Variants in RFTN2 observed in about 807,000 individuals in gnomAD.
The protein encoded by RFTN2 is raftlin family member 2.
In RFTN2, 34 loss-of-function variants were observed where a neutral mutation model predicts 52.7. The observed-to-expected ratio is 0.64, with a 90% CI of 0.49 to 0.86. The LOEUF (loss-of-function observed/expected upper bound fraction) is 0.86. RFTN2 is among the 40% of genes least tolerant of loss of function. The pLI, the probability that RFTN2 is intolerant of heterozygous loss-of-function variation, is 0.00. For missense variants in RFTN2, 536 were observed against 600.1 expected (o/e 0.89, Z 1.12); for synonymous variants, 203 against 217.7 (o/e 0.93, Z 0.59).
At chr2:197,576,813 C>CT in intron 8 of RFTN2, among the ~76,000 whole-genome samples, 1 of 152,232 alleles carries the variant, frequency 6.6e-6, no homozygotes, top group South Asian at 2.1e-4. Flanking sequence ...GGCAGCTCAT[C>CT]TTTTTCTTGG....
intron 3 of RFTN2, among the ~76,000 whole-genome samples, chr2:197,638,804 C>G (rs1363830556): frequency 7.7e-5 from 10 of 130,112 alleles, no homozygotes; most frequent in African/African-American, 3.0e-4. Context: ...GGTTATTTTG[C>G]TCGTTAGTTG....
At chr2:197,671,577 G>A (rs2089148116) in intron 1 of RFTN2, among the ~76,000 whole-genome samples, 1 of 152,168 alleles carries the variant, frequency 6.6e-6, no homozygotes, top group African/African-American at 2.4e-5. Flanking sequence ...GTTTGACCGA[G>A]TTGAATACAA....
intron 3 of RFTN2, among the ~76,000 whole-genome samples, chr2:197,634,501 A>C (rs2088526031): frequency 6.6e-6 from 1 of 152,100 alleles, no homozygotes; most frequent in Admixed American, 6.6e-5. Flanking sequence ...GTAGGTATAA[A>C]GCACAAGCCC....
intron 8 of RFTN2, among the ~76,000 whole-genome samples, chr2:197,573,953 C>T (rs1436222762): frequency 6.6e-6 from 1 of 152,172 alleles, no homozygotes; most frequent in Non-Finnish European, 1.5e-5. Context: ...GGAACCTCTG[C>T]CTAGATTTCA....
chr2:197,619,752 AT>A (rs201388935), intron 5 of RFTN2, among the ~76,000 whole-genome samples: 4,699 of 140,214 alleles, frequency 0.034, 155 homozygotes, highest in African/African-American at 0.097. Flanking sequence ...AAAAAAAAAA[AT>A]AATAATAACA....
At chr2:197,603,710 T>C (rs1425765258) in intron 7 of RFTN2, among the ~76,000 whole-genome samples, 1 of 151,850 alleles carries the variant, frequency 6.6e-6, no homozygotes, top group Admixed American at 6.6e-5. Flanking sequence ...AGGTCAGGAG[T>C]TCGAGACCAG....
At chr2:197,591,982 G>A (rs763285572) in intron 8 of RFTN2, among the ~76,000 whole-genome samples, 3 of 152,014 alleles carry the variant, frequency 2.0e-5, no homozygotes, top group Non-Finnish European at 2.9e-5. Flanking sequence ...CTCTGGCCTC[G>A]GCCAGACCAG....
chr2:197,656,645 G>T (rs1325420969), intron 1 of RFTN2, among the ~76,000 whole-genome samples: 1 of 152,162 alleles, frequency 6.6e-6, no homozygotes, highest in Non-Finnish European at 1.5e-5. Flanking sequence ...GAAGATCATG[G>T]TAGGGATTTG....
intron 7 of RFTN2, among the ~76,000 whole-genome samples, chr2:197,612,309 G>GT (rs1291553618): frequency 6.6e-6 from 1 of 152,048 alleles, no homozygotes; most frequent in Non-Finnish European, 1.5e-5. Context: ...CTCTCTCAGT[G>GT]TAAGGTTAGA....
chr2:197,614,194 G>A (rs1341545308), intron 7 of RFTN2, among the ~76,000 whole-genome samples: 2 of 152,134 alleles, frequency 1.3e-5, no homozygotes, highest in Non-Finnish European at 2.9e-5. Flanking sequence ...ATCCTTCAGG[G>A]CCAGAAACCA....
chr2:197,576,969 C>T (rs1302653771), intron 8 of RFTN2, among the ~76,000 whole-genome samples: 1 of 152,168 alleles, frequency 6.6e-6, no homozygotes, highest in Non-Finnish European at 1.5e-5. Context: ...TCAAATTTAC[C>T]CCTCTGCTCA....
intron 8 of RFTN2, among the ~76,000 whole-genome samples, chr2:197,587,339 T>C (rs1037324932): frequency 6.6e-6 from 1 of 152,150 alleles, no homozygotes; most frequent in African/African-American, 2.4e-5. Flanking sequence ...ATTTTTCTTA[T>C]TAATATAAGA....
chr2:197,612,087 A>G (rs558399683), intron 7 of RFTN2, among the ~76,000 whole-genome samples: 37 of 152,186 alleles, frequency 2.4e-4, no homozygotes, highest in Middle Eastern at 3.4e-3. Flanking sequence ...TATATTCTGT[A>G]GATTTGGGGT....
chr2:197,659,477 TAAAAAAAA>T (rs55804577), intron 1 of RFTN2, among the ~76,000 whole-genome samples: 1 of 94,716 alleles, frequency 1.1e-5, no homozygotes, highest in African/African-American at 4.2e-5. Context: ...CTCCATCTCA[TAAAAAAAA>T]AAAAAAAAAA....
chr2:197,603,008 G>A (rs975089977), intron 7 of RFTN2, among the ~76,000 whole-genome samples: 1 of 152,190 alleles, frequency 6.6e-6, no homozygotes, highest in Non-Finnish European at 1.5e-5. Flanking sequence ...TCACTCATAG[G>A]TGGGAATTGA....
At chr2:197,613,087 A>T (rs1420588780) in intron 7 of RFTN2, among the ~76,000 whole-genome samples, 1 of 152,156 alleles carries the variant, frequency 6.6e-6, no homozygotes, top group African/African-American at 2.4e-5. Flanking sequence ...TGTTGCTTTT[A>T]TTATCTTGTC....
At chr2:197,586,096 C>T (rs948902879) in intron 8 of RFTN2, among the ~76,000 whole-genome samples, 19 of 152,186 alleles carry the variant, frequency 1.2e-4, no homozygotes, top group South Asian at 1.0e-3. Context: ...TCTATCAATA[C>T]GGGCAAACTT....
At chr2:197,635,241 G>T (rs2088545833) in intron 3 of RFTN2, among the ~76,000 whole-genome samples, 2 of 151,926 alleles carry the variant, frequency 1.3e-5, no homozygotes, top group African/African-American at 4.8e-5. Context: ...TAGTCCTTTG[G>T]GTATATACCC....
intron 8 of RFTN2, among the ~76,000 whole-genome samples, chr2:197,578,544 C>T (rs990437076): frequency 6.6e-6 from 1 of 152,130 alleles, no homozygotes; most frequent in Admixed American, 6.5e-5. Flanking sequence ...CTTCTCCTGG[C>T]TCAGAAATTC....
Sources: allele counts gnomAD v4.1 joint callset (sites outside exome capture counted in the v4.1 genomes callset), GRCh38; gene constraint gnomAD v4.1.1; transcripts MANE v1.5; gene names NCBI Gene and HGNC (gene_info 2026-07-23, HGNC 2026-07-21).